Variants in FAM163A observed in about 807,000 individuals in gnomAD.
FAM163A encodes protein FAM163A.
A neutral mutation model predicts 12.0 loss-of-function variants in FAM163A; 7 were observed. The observed-to-expected ratio is 0.58, with a 90% confidence interval of 0.33 to 1.10. FAM163A has a LOEUF of 1.10. Among genes scored for constraint, FAM163A ranks in the 50% least tolerant of loss-of-function variants. The probability of loss-of-function intolerance (pLI) is 0.03; values close to 1 mark genes in which losing one functional copy is unlikely to be tolerated. For missense variants in FAM163A, 202 were observed against 218.6 expected, an observed-to-expected ratio of 0.92 and a Z score of 0.48; for synonymous variants, 101 against 91.0, an observed-to-expected ratio of 1.11 and a Z score of -0.62.
At chr1:179,788,253 T>C (rs1024333417) in intron 1 of FAM163A, among the ~76,000 whole-genome samples, 1 of 152,204 alleles carries the variant, frequency 6.6e-6, no homozygotes, top group African/African-American at 2.4e-5. Flanking sequence ...AACTGAATAA[T>C]CCTCTCTCTT....
chr1:179,747,037 G>A (rs867879389), intron 1 of FAM163A, among the ~76,000 whole-genome samples: 1 of 152,062 alleles, frequency 6.6e-6, no homozygotes, highest in Non-Finnish European at 1.5e-5. Context: ...AAGTGTCAGC[G>A]ACTGGATAGG....
chr1:179,800,943 T>C (rs957635612), intron 1 of FAM163A, among the ~76,000 whole-genome samples: 9 of 152,112 alleles, frequency 5.9e-5, no homozygotes, highest in Non-Finnish European at 1.3e-4. Flanking sequence ...GGTCACACGT[T>C]CTGCAGGATC....
upstream of FAM163A, among the ~76,000 whole-genome samples, chr1:179,740,388 C>T (rs939526213): frequency 2.0e-5 from 3 of 152,098 alleles, no homozygotes; most frequent in Non-Finnish European, 4.4e-5. Context: ...ACTATGTTGC[C>T]TAGCCAGTCT....
chr1:179,763,993 C>G (rs1687148112), intron 1 of FAM163A, among the ~76,000 whole-genome samples: 1 of 152,208 alleles, frequency 6.6e-6, no homozygotes, highest in African/African-American at 2.4e-5. Flanking sequence ...AAAGACTACA[C>G]ACACACAAAG....
At chr1:179,795,188 G>A (rs1041497783) in intron 1 of FAM163A, among the ~76,000 whole-genome samples, 3 of 152,158 alleles carry the variant, frequency 2.0e-5, no homozygotes, top group South Asian at 2.1e-4. Context: ...TAAAACAGCC[G>A]GGCATGATGG....
At chr1:179,751,978 A>G (rs1186853108) in intron 1 of FAM163A, among the ~76,000 whole-genome samples, 3 of 152,228 alleles carry the variant, frequency 2.0e-5, no homozygotes, top group Non-Finnish European at 4.4e-5. Flanking sequence ...TGGAACCACA[A>G]AAGACCCCAA....
At chr1:179,798,713 T>C (rs1170416964) in intron 1 of FAM163A, among the ~76,000 whole-genome samples, 1 of 152,170 alleles carries the variant, frequency 6.6e-6, no homozygotes, top group Non-Finnish European at 1.5e-5. Context: ...CCAGGCCCTC[T>C]GGGATGGAGG....
chr1:179,814,076 GA>G lies in FAM163A; in HGVS notation c.392del (p.Glu131GlyfsTer17). The G allele has an allele frequency of 1.9e-6, 3 of 1,614,182 alleles. No homozygotes were observed. Among genetic ancestry groups the G allele is most frequent in the Non-Finnish European group, 1.7e-6 (2 of 1,180,028 alleles). On this transcript the variant is annotated frameshift_variant, in exon 5 of 5. Transcript: ENST00000341785. LOFTEE classifies it high-confidence loss of function. ...RLSFAPTYYK[E>X]GGPPSLKLAA... Reference sequence around the variant, plus strand: ...CTCCTTTGCTCCCACATACTACAAAGAGGGGGGACCCCCATCCCTCAAATTG... The same window carrying G: ...CTCCTTTGCTCCCACATACTACAAAGGGGGGGACCCCCATCCCTCAAATTG...
chr1:179,775,657 C>G (rs1688854462), intron 1 of FAM163A, among the ~76,000 whole-genome samples: 1 of 152,178 alleles, frequency 6.6e-6, no homozygotes, highest in African/African-American at 2.4e-5. Context: ...CAGTTATAGC[C>G]TGGCACAGTG....
intron 1 of FAM163A, among the ~76,000 whole-genome samples, chr1:179,790,933 G>C (rs1691389300): frequency 6.6e-6 from 1 of 152,140 alleles, no homozygotes; most frequent in Admixed American, 6.5e-5. Context: ...CAGCCAACCA[G>C]GGAGAAAAGA....
At chr1:179,790,754 G>C (rs989456711) in intron 1 of FAM163A, among the ~76,000 whole-genome samples, 2 of 147,736 alleles carry the variant, frequency 1.4e-5, no homozygotes, top group African/African-American at 4.9e-5. Flanking sequence ...CACTGTCAAG[G>C]TGGGAGAAGG....
chr1:179,769,674 C>T (rs911629787), intron 1 of FAM163A, among the ~76,000 whole-genome samples: 1 of 152,104 alleles, frequency 6.6e-6, no homozygotes, highest in Non-Finnish European at 1.5e-5. Flanking sequence ...TATGTAGCCC[C>T]GTGGCAGAGG....
At chr1:179,772,287 A>G (rs1337783589) in intron 1 of FAM163A, among the ~76,000 whole-genome samples, 2 of 152,018 alleles carry the variant, frequency 1.3e-5, no homozygotes, top group Non-Finnish European at 2.9e-5. Flanking sequence ...AGGCTCTCAC[A>G]TCCATCTCCT....
chr1:179,772,282 C>T (rs1372014527), intron 1 of FAM163A, among the ~76,000 whole-genome samples: 1 of 152,204 alleles, frequency 6.6e-6, no homozygotes, highest in Non-Finnish European at 1.5e-5. Flanking sequence ...CCCACAGGCT[C>T]TCACATCCAT....
chr1:179,797,038 A>G (rs1692424652), intron 1 of FAM163A, among the ~76,000 whole-genome samples: 1 of 152,216 alleles, frequency 6.6e-6, no homozygotes, highest in East Asian at 1.9e-4. Flanking sequence ...GCTGCAGTTT[A>G]GAATCAGCAC....
At chr1:179,739,449 C>A (rs1683380035), upstream of FAM163A, among the ~76,000 whole-genome samples, 1 of 152,266 alleles carries the variant, frequency 6.6e-6, no homozygotes, top group African/African-American at 2.4e-5. Context: ...TCATGGCCCA[C>A]TGGCCACAAG....
At chr1:179,764,652 C>A (rs1441498717) in intron 1 of FAM163A, among the ~76,000 whole-genome samples, 1 of 152,244 alleles carries the variant, frequency 6.6e-6, no homozygotes, top group East Asian at 1.9e-4. Context: ...GTTGTTCGCC[C>A]TAGAGGTATG....
intron 1 of FAM163A, among the ~76,000 whole-genome samples, chr1:179,766,376 A>G (rs1193148493): frequency 3.9e-5 from 6 of 152,258 alleles, no homozygotes; most frequent in Non-Finnish European, 7.3e-5. Context: ...CTTCATGCTC[A>G]GAGGGGCCAA....
At chr1:179,757,237 C>T (rs757153132) in intron 1 of FAM163A, among the ~76,000 whole-genome samples, 13 of 152,084 alleles carry the variant, frequency 8.5e-5, no homozygotes, top group Admixed American at 3.9e-4. Flanking sequence ...GTCCTTGGAC[C>T]GAAAGGTAGA....
Sources: allele counts gnomAD v4.1 joint callset (sites outside exome capture counted in the v4.1 genomes callset), GRCh38; gene constraint gnomAD v4.1.1; transcripts MANE v1.5; gene names NCBI Gene and HGNC (gene_info 2026-07-23, HGNC 2026-07-21).